The following NBAS variants were observed in gnomAD, a reference collection of about 807,000 sequenced individuals.
NBAS encodes the protein NBAS subunit of NRZ tethering complex.
A neutral mutation model predicts 302.5 loss-of-function variants in NBAS; 219 were observed. That is an observed-to-expected ratio of 0.72 (90% CI 0.65 to 0.81). The LOEUF is 0.81. Among genes scored for constraint, NBAS ranks in the 30% least tolerant of loss-of-function variants. The pLI is 0.00. For synonymous variants in NBAS, 1,118 were observed against 1,021.6 expected (o/e 1.09, Z -1.80); for missense variants, 2,932 against 2,841.6 (o/e 1.03, Z -0.72).
At chr2:14,972,632 T>C in the NBAS span, among the ~76,000 whole-genome samples, 1 of 152,198 alleles carries the variant, frequency 6.6e-6, no homozygotes, top group Non-Finnish European at 1.5e-5. Flanking sequence ...TAGACGACTT[T>C]CTAAGGTCAC....
At chr2:15,522,786 C>T (rs1366050274) in intron 9 of NBAS, among the ~76,000 whole-genome samples, 2 of 152,186 alleles carry the variant, frequency 1.3e-5, no homozygotes, top group African/African-American at 4.8e-5. Context: ...CTTTTGACTG[C>T]CCCAAAATTT....
chr2:15,205,851 C>T (rs923462250), intron 48 of NBAS, among the ~76,000 whole-genome samples: 11 of 152,092 alleles, frequency 7.2e-5, no homozygotes, highest in South Asian at 2.1e-4. Flanking sequence ...TATAAGTTTC[C>T]GCCATGTGGA....
intron 47 of NBAS, among the ~76,000 whole-genome samples, chr2:15,229,347 C>CAAAAAAAAAAA (rs61152926): frequency 2.6e-4 from 20 of 76,920 alleles, no homozygotes; most frequent in South Asian, 9.7e-4. Flanking sequence ...TCTCAAAAAA[C>CAAAAAAAAAAA]AAAAAAAAAA....
chr2:14,788,893 G>C, the NBAS span, among the ~76,000 whole-genome samples: 2 of 152,234 alleles, frequency 1.3e-5, no homozygotes, highest in South Asian at 2.1e-4. Context: ...GTCTGCAGAG[G>C]TTACTGCTGT....
the NBAS span, among the ~76,000 whole-genome samples, chr2:14,791,957 C>T: frequency 1.3e-5 from 2 of 152,178 alleles, no homozygotes; most frequent in African/African-American, 2.4e-5. Flanking sequence ...CCTCTTCTGA[C>T]CAGAAACACT....
chr2:15,467,835 A>G, intron 17 of NBAS, 31 bp from the exon 18 acceptor site: 2 of 1,525,592 alleles, frequency 1.3e-6, no homozygotes, highest in Non-Finnish European at 1.8e-6. Context: ...ATATATTTTC[A>G]TCATTTTTAA....
the NBAS span, among the ~76,000 whole-genome samples, chr2:14,837,162 C>T: frequency 6.6e-6 from 1 of 151,720 alleles, no homozygotes; most frequent in East Asian, 1.9e-4. Flanking sequence ...TTCCTCTCAC[C>T]TTCCTGCACT....
chr2:15,297,360 T>A (rs1670595435), intron 40 of NBAS, among the ~76,000 whole-genome samples: 1 of 152,218 alleles, frequency 6.6e-6, no homozygotes, highest in Admixed American at 6.5e-5. Context: ...CTTGCTGTTA[T>A]AACTTGGCTT....
the NBAS span, among the ~76,000 whole-genome samples, chr2:14,880,336 G>A: frequency 6.6e-6 from 1 of 150,892 alleles, no homozygotes; most frequent in South Asian, 2.1e-4. Flanking sequence ...TTAAAAATGA[G>A]TACTAAAAAT....
At position 15,292,570 on chromosome 2, in the gene NBAS, T is replaced by C. The variant is rs1008012930; in HGVS notation, c.4994A>G (p.Gln1665Arg). 1.9e-6 allele frequency: 3 copies of C among 1,614,208 alleles called. No homozygotes were observed. The Admixed American group carries it at 5.0e-5, about 27-fold the overall frequency. ...VDVQRFTADD[Q>R]YKRETILGLA... is the part of the protein sequence containing the mutation. ...ACCAAGGATAGTTTCCCTTTTATAC[T>C]GGTCATCTGCAGTAAACCGCTGCAC... The change falls in exon 41 of 52, where the codon CAG becomes CGG. Residue 1665 changes from glutamine (Q) to arginine (R), a missense_variant. Transcript: ENST00000281513.
chr2:15,181,052 C>T (rs1053872571), intron 50 of NBAS, among the ~76,000 whole-genome samples: 2 of 152,306 alleles, frequency 1.3e-5, no homozygotes, highest in South Asian at 4.1e-4. Context: ...AGTCATTCAT[C>T]GGTCTACCTG....
the NBAS span, among the ~76,000 whole-genome samples, chr2:14,994,061 A>G: frequency 5.3e-3 from 814 of 152,316 alleles, 15 homozygotes; most frequent in African/African-American, 0.019. Flanking sequence ...AGCACACTGA[A>G]GGATGTTTGC....
rs1393628456 is a variant in NBAS, at chr2:15,198,719, T to C, written c.6433-8316A>G. On this transcript the variant is annotated intron_variant, in intron 48 of 51. Coordinates refer to ENST00000281513, the MANE Select transcript of NBAS (RefSeq NM_015909.4). ...AATATGGAGCAAAACAAATGATTAA[T>C]ATACATTTCTTGCAAAATAGCACAA... Among the ~76,000 whole-genome samples the C allele has an allele frequency of 2.0e-5, 3 of 152,204 alleles. No individual in the cohort carries two copies. The East Asian group carries it at 5.8e-4, about 29-fold the overall frequency.
the NBAS span, among the ~76,000 whole-genome samples, chr2:14,880,998 A>G: frequency 6.6e-6 from 1 of 152,142 alleles, no homozygotes; most frequent in African/African-American, 2.4e-5. Context: ...TCTCAATAAC[A>G]GCACAGAAAG....
chr2:15,466,221 G>C (rs910375282), intron 19 of NBAS, among the ~76,000 whole-genome samples: 2 of 152,150 alleles, frequency 1.3e-5, no homozygotes, highest in Non-Finnish European at 1.5e-5. Context: ...AGACGTTCTT[G>C]GGACCAGCAT....
chr2:14,800,777 T>C, the NBAS span, among the ~76,000 whole-genome samples: 1 of 136,044 alleles, frequency 7.4e-6, no homozygotes, highest in Non-Finnish European at 1.5e-5. Context: ...TTTTAAGAGA[T>C]TTAAATTGTT....
At chr2:14,887,990 G>T in the NBAS span, among the ~76,000 whole-genome samples, 2 of 152,202 alleles carry the variant, frequency 1.3e-5, no homozygotes, top group Non-Finnish European at 2.9e-5. Flanking sequence ...ACATCATGAA[G>T]ATTTGTACAT....
At chr2:14,941,116 T>C in the NBAS span, among the ~76,000 whole-genome samples, 2 of 152,366 alleles carry the variant, frequency 1.3e-5, no homozygotes, top group East Asian at 1.9e-4. Flanking sequence ...GTATTTGTTA[T>C]GTAGTAAGTG....
chr2:15,124,794 C>T, the NBAS span, among the ~76,000 whole-genome samples: 143 of 152,306 alleles, frequency 9.4e-4, no homozygotes, highest in African/African-American at 3.2e-3. Context: ...CTTATGGGTG[C>T]ACAGAATGCA....
Sources: allele counts gnomAD v4.1 joint callset (sites outside exome capture counted in the v4.1 genomes callset), GRCh38; gene constraint gnomAD v4.1.1; transcripts MANE v1.5; gene names NCBI Gene and HGNC (gene_info 2026-07-23, HGNC 2026-07-21).